The following KATNIP variants were observed in gnomAD, a reference collection of about 807,000 sequenced individuals.
The protein encoded by KATNIP is katanin-interacting protein.
KATNIP carries 126 observed loss-of-function variants against 174.0 expected under a neutral mutation model. The observed-to-expected ratio is 0.72, with a 90% CI of 0.63 to 0.84. The LOEUF is 0.84. Among genes scored for constraint, KATNIP ranks in the 40% least tolerant of loss-of-function variants. The pLI is 0.00. For synonymous variants in KATNIP, 810 were observed against 835.7 expected, an observed-to-expected ratio of 0.97 and a Z score of 0.53; for missense variants, 1,958 against 2,109.7, an observed-to-expected ratio of 0.93 and a Z score of 1.41.
intron 10 of KATNIP, 89 bp downstream of exon 10, chr16:27,699,688 T>C (rs2079032363): frequency 6.4e-7 from 1 of 1,572,112 alleles, no homozygotes; most frequent in African/African-American, 1.3e-5. Context: ...CAAAGCCCTA[T>C]GCATGTGCAT....
At chr16:27,572,040 T>C (rs2090322595) in intron 1 of KATNIP, among the ~76,000 whole-genome samples, 1 of 151,950 alleles carries the variant, frequency 6.6e-6, no homozygotes, top group Admixed American at 6.6e-5. Context: ...AACTGGTTTT[T>C]AGAGCGTTCA....
At position 27,750,302 on chromosome 16, in the gene KATNIP, G is replaced by C. The variant is rs201758562; in HGVS notation, c.3342G>C (p.Ala1114=). ...TCGCCAAGGCCTCTGGAACCCTGGC[G>C]GGAGGTATGGCGTGTCTGTAAGAAT... is the stretch of plus-strand genomic sequence containing the variant. ...GEIAKASGTL[A]GAPEHFGDTI... The change falls in exon 16 of 28, where the codon GCG becomes GCC. Residue 1114 remains alanine (A), a synonymous_variant. Transcript: ENST00000261588. The C allele has an allele frequency of 6.2e-7, 1 of 1,605,872 alleles. No homozygotes were observed. Among genetic ancestry groups the C allele is most frequent in the Admixed American group, 1.7e-5 (1 of 59,718 alleles).
At chr16:27,622,714 G>C (rs1183730464) in intron 3 of KATNIP, among the ~76,000 whole-genome samples, 1 of 152,178 alleles carries the variant, frequency 6.6e-6, no homozygotes, top group Non-Finnish European at 1.5e-5. Flanking sequence ...AGCCCCAGGA[G>C]AAGATCCAGG....
chr16:27,733,073 T>G (rs1256514830), intron 14 of KATNIP, among the ~76,000 whole-genome samples: 11 of 152,242 alleles, frequency 7.2e-5, no homozygotes, highest in African/African-American at 2.7e-4. Flanking sequence ...AGCCAGTGCT[T>G]CATTCCAGAT....
At chr16:27,730,886 T>G (rs1250076588) in intron 14 of KATNIP, among the ~76,000 whole-genome samples, 1 of 152,208 alleles carries the variant, frequency 6.6e-6, no homozygotes, top group Non-Finnish European at 1.5e-5. Flanking sequence ...ATGACAACAT[T>G]TGGAAATTGG....
chr16:27,728,578 G>A (rs886821866), intron 14 of KATNIP, among the ~76,000 whole-genome samples: 2 of 152,118 alleles, frequency 1.3e-5, no homozygotes, highest in Non-Finnish European at 2.9e-5. Flanking sequence ...CTACAGGCAC[G>A]CACCACCATG....
At chr16:27,569,234 A>T (rs564154500) in intron 1 of KATNIP, among the ~76,000 whole-genome samples, 11 of 152,334 alleles carry the variant, frequency 7.2e-5, no homozygotes, top group African/African-American at 2.6e-4. Context: ...ACATCCAAGA[A>T]GATGCGACTC....
Position 27,598,049 on chromosome 16 carries a change from G to A in KATNIP, c.64-20376G>A, listed in dbSNP as rs528606917. 9.9e-5 allele frequency among the ~76,000 whole-genome samples: 15 copies of A among 152,186 alleles called. No individual in the cohort carries two copies. In the South Asian group the frequency reaches 1.9e-3, roughly 19 times the overall value. On this transcript the variant is annotated intron_variant, in intron 2 of 27. Transcript: ENST00000261588. ...TCAAGACCAGCCTGGGCAACATGAC[G>A]AAAGCCCGTCTCTACAAAAAATAAC...
intron 15 of KATNIP, among the ~76,000 whole-genome samples, chr16:27,745,213 C>T (rs373213004): frequency 1.6e-4 from 24 of 152,328 alleles, no homozygotes; most frequent in African/African-American, 5.8e-4. Flanking sequence ...TAATGATCAC[C>T]TTGACCCCAA....
chr16:27,765,379 A>C, intron 19 of KATNIP, among the ~76,000 whole-genome samples: 1 of 152,320 alleles, frequency 6.6e-6, no homozygotes, highest in South Asian at 2.1e-4. Context: ...TGGCCAGGAC[A>C]GGAGTGCGAT....
chr16:27,655,980 G>T (rs1273295021), intron 6 of KATNIP, among the ~76,000 whole-genome samples: 2 of 152,130 alleles, frequency 1.3e-5, no homozygotes, highest in Non-Finnish European at 2.9e-5. Flanking sequence ...ATGATAGAGA[G>T]AACTCTCCTT....
At position 27,758,710 on chromosome 16, in the gene KATNIP, A is replaced by G. The variant is rs111877192; in HGVS notation, c.3632-2703A>G. Among the ~76,000 whole-genome samples, 950 of 152,178 alleles carry G rather than the reference A, an allele frequency of 6.2e-3. 9 individuals are homozygous for G. Among genetic ancestry groups the G allele is most frequent in the African/African-American group, 0.022 (919 of 41,498 alleles). Reference sequence around the variant, plus strand: ...CTTCTTCCAGAAATGCAAAAACATGATAGGTTCCTTCTCAGCACCCTGGTC... The same window carrying G: ...CTTCTTCCAGAAATGCAAAAACATGGTAGGTTCCTTCTCAGCACCCTGGTC... On this transcript the variant is annotated intron_variant, in intron 18 of 27. Coordinates refer to ENST00000261588, the MANE Select transcript of KATNIP (RefSeq NM_015202.5).
chr16:27,592,569 G>A (rs537566717), intron 2 of KATNIP, among the ~76,000 whole-genome samples: 2 of 152,042 alleles, frequency 1.3e-5, no homozygotes, highest in African/African-American at 4.8e-5. Flanking sequence ...AGTGAGCTGA[G>A]ATCACGCCAC....
rs2079432571 is a variant in KATNIP, at chr16:27,708,756, A to G, written c.1441A>G (p.Met481Val). 1 of 1,613,920 alleles carries G rather than the reference A, an allele frequency of 6.2e-7. No homozygotes were observed. Among genetic ancestry groups the G allele is most frequent in the Non-Finnish European group, 8.5e-7 (1 of 1,180,030 alleles). ...GATCAAAGATGCCATCTACGTGACC[A>G]TGGAGATCCTGTCCAACTGGGGCAA... is the stretch of plus-strand genomic sequence containing the variant. Reference protein sequence around the residue: ...DEIKDAIYVTMEILSNWGNSW... With the variant: ...DEIKDAIYVTVEILSNWGNSW... Residue 481 changes from methionine to valine, a missense_variant, in exon 13 of 28, where the codon ATG (methionine) becomes GTG (valine). Physicochemically the swap from Met to Val is conservative, Grantham distance 21 (BLOSUM62 1). Around this residue, in one of 3 missense-constraint regions of KATNIP, gnomAD observed 1,557 missense variants for 1,617.8 expected, o/e 0.96. Coordinates refer to ENST00000261588, the MANE Select transcript of KATNIP (RefSeq NM_015202.5).
At chr16:27,709,131 C>A (rs1345178404) in intron 13 of KATNIP, 1 of 488,926 alleles carries the variant, frequency 2.0e-6, no homozygotes, top group Non-Finnish European at 3.6e-6. Context: ...CCAGCCTGGG[C>A]AACAAGGCAA....
chr16:27,692,330 G>T (rs2078762974), intron 8 of KATNIP, among the ~76,000 whole-genome samples: 1 of 152,214 alleles, frequency 6.6e-6, no homozygotes, highest in South Asian at 2.1e-4. Flanking sequence ...GAACCATGTG[G>T]TTGGGTGATA....
chr16:27,638,601 C>T (rs962329683), intron 5 of KATNIP, among the ~76,000 whole-genome samples: 3 of 152,164 alleles, frequency 2.0e-5, no homozygotes, highest in African/African-American at 7.2e-5. Flanking sequence ...AGAGAGGGAC[C>T]ACAGTCCTCT....
chr16:27,564,670 A>G lies in KATNIP; in HGVS notation c.8-9231A>G, dbSNP rs151014415. Reference sequence around the variant, plus strand: ...ATCAGGCTTTCCAAAAAGGAAGGTAACTTAAAGGCCCACATCAGCCTGGAG... The same window carrying G: ...ATCAGGCTTTCCAAAAAGGAAGGTAGCTTAAAGGCCCACATCAGCCTGGAG... On this transcript the variant is annotated intron_variant, in intron 1 of 27. Coordinates refer to ENST00000261588, the MANE Select transcript of KATNIP (RefSeq NM_015202.5). Among the ~76,000 whole-genome samples, 389 of 152,196 alleles carry G rather than the reference A, an allele frequency of 2.6e-3. 3 individuals carry two copies. The highest frequency in any genetic ancestry group is 9.0e-3 in the African/African-American group (372 of 41,538).
chr16:27,732,732 G>A (rs916965835), intron 14 of KATNIP, among the ~76,000 whole-genome samples: 2 of 152,192 alleles, frequency 1.3e-5, no homozygotes, highest in African/African-American at 4.8e-5. Context: ...TCCATATCTC[G>A]ATAGACCTAC....
Sources: allele counts gnomAD v4.1 joint callset (sites outside exome capture counted in the v4.1 genomes callset), GRCh38; gene constraint gnomAD v4.1.1; regional missense constraint gnomAD v4.1.1; transcripts MANE v1.5; gene names NCBI Gene and HGNC (gene_info 2026-07-23, HGNC 2026-07-21).